The following EXOG variants were observed in gnomAD, a reference collection of about 807,000 sequenced individuals.
The protein encoded by EXOG is exo/endonuclease G, also known as nuclease EXOG, mitochondrial.
In EXOG, 27 loss-of-function variants were observed where a neutral mutation model predicts 25.8. That is an observed-to-expected ratio of 1.05 (90% CI 0.77 to 1.45). The LOEUF is 1.45. Ranked by LOEUF, EXOG falls within the 40% of genes most tolerant of loss-of-function variation. The probability of loss-of-function intolerance (pLI) is 0.00; values close to 1 mark genes in which losing one functional copy is unlikely to be tolerated. For missense variants in EXOG, 458 were observed against 450.5 expected (o/e 1.02, Z -0.15); for synonymous variants, 133 against 167.0 (o/e 0.80, Z 1.57).
At chr3:38,522,340 C>T (rs1287386014) in intron 5 of EXOG, among the ~76,000 whole-genome samples, 1 of 152,194 alleles carries the variant, frequency 6.6e-6, no homozygotes, top group African/African-American at 2.4e-5. Context: ...AATCTTGCTG[C>T]AGGCAGAGCT....
chr3:38,515,410 G>A (rs9864284), intron 5 of EXOG: 26 of 157,742 alleles, frequency 1.6e-4, no homozygotes, highest in African/African-American at 6.2e-4. Context: ...GGGGCAGCCA[G>A]CTCACAGATG....
At chr3:38,511,598 A>G (rs981157898) in intron 5 of EXOG, among the ~76,000 whole-genome samples, 2 of 152,238 alleles carry the variant, frequency 1.3e-5, no homozygotes, top group African/African-American at 2.4e-5. Context: ...AAGGAAGTTC[A>G]GACCTACCGG....
intron 4 of EXOG, among the ~76,000 whole-genome samples, chr3:38,504,855 T>C (rs1428425624): frequency 2.0e-5 from 3 of 152,214 alleles, no homozygotes; most frequent in Non-Finnish European, 2.9e-5. Context: ...TCTTTCAGGC[T>C]ATTGTGTTTT....
At chr3:38,505,369 G>C (rs1449928283) in intron 4 of EXOG, 1 of 151,638 alleles carries the variant, frequency 6.6e-6, no homozygotes, top group Non-Finnish European at 1.5e-5. Flanking sequence ...TCGCATACCT[G>C]TGGAAGCATT....
chr3:38,518,505 T>A (rs1170849369), intron 5 of EXOG, among the ~76,000 whole-genome samples: 1 of 152,250 alleles, frequency 6.6e-6, no homozygotes, highest in Non-Finnish European at 1.5e-5. Flanking sequence ...TTCAAGGCAA[T>A]GTCTTGCAAT....
chr3:38,523,658 G>A (rs1349350517), intron 5 of EXOG, among the ~76,000 whole-genome samples: 1 of 152,092 alleles, frequency 6.6e-6, no homozygotes, highest in African/African-American at 2.4e-5. Flanking sequence ...ATGAGCCACC[G>A]TGCCTCACCT....
At position 38,524,991 on chromosome 3, in the gene EXOG, G is replaced by A; in HGVS notation, c.*629G>A. ...GAGGCAGCTTTTAGAAATCCTCTGT[G>A]TAGTTCCTGTCCACATGCACTATAT... is the stretch of plus-strand genomic sequence containing the variant. On this transcript the variant is annotated 3_prime_UTR_variant, in exon 6 of 6. Transcript: ENST00000287675. 1.0e-6 allele frequency: 1 copy of A among 985,342 alleles called. No individual in the cohort carries two copies. The highest frequency in any genetic ancestry group is 1.2e-6 in the Non-Finnish European group (1 of 829,862). The allele number at this position is 985,342 out of a possible 1,614,324, so 61.0% of individuals were successfully genotyped here.
chr3:38,517,860 A>G (rs967003336), intron 5 of EXOG, among the ~76,000 whole-genome samples: 11 of 152,210 alleles, frequency 7.2e-5, no homozygotes, highest in Non-Finnish European at 1.3e-4. Context: ...TCAAACTGAC[A>G]TCTACTTTTA....
rs1251917186 is a variant in EXOG at position 38,524,385 on chromosome 3, A to G, written c.*23A>G. On this transcript the variant is annotated 3_prime_UTR_variant, in exon 6 of 6. Transcript: ENST00000287675. ...TAGTTTTTATCTCAAGATGTGTCAT[A>G]CCGTCTGTAATGAAGCAGGCATGCC... 1 of 1,570,982 alleles carries G rather than the reference A, an allele frequency of 6.4e-7. No homozygotes were observed. The highest frequency in any genetic ancestry group is 2.2e-5 in the East Asian group (1 of 44,602).
At chr3:38,501,653 C>G (rs1208156632) in intron 3 of EXOG, among the ~76,000 whole-genome samples, 159 bp downstream of exon 3, 1 of 152,162 alleles carries the variant, frequency 6.6e-6, no homozygotes, top group East Asian at 1.9e-4. Flanking sequence ...CAATCACATA[C>G]CGAGACATTT....
chr3:38,502,904 T>C (rs1164239478), intron 3 of EXOG, among the ~76,000 whole-genome samples: 1 of 152,224 alleles, frequency 6.6e-6, no homozygotes, highest in African/African-American at 2.4e-5. Context: ...ATTCTCAACC[T>C]TGGACACTCA....
At chr3:38,518,850 G>A (rs185974187) in intron 5 of EXOG, among the ~76,000 whole-genome samples, 1 of 152,134 alleles carries the variant, frequency 6.6e-6, no homozygotes, top group Non-Finnish European at 1.5e-5. Flanking sequence ...AGGCTTTAAG[G>A]ATCAAGTCTC....
chr3:38,524,404 G>A lies in EXOG; in HGVS notation c.*42G>A. ...TGTCATACCGTCTGTAATGAAGCAG[G>A]CATGCCCTCTTTAGGCTAACATATT... On this transcript the variant is annotated 3_prime_UTR_variant, in exon 6 of 6. Transcript: ENST00000287675. 2 of 1,536,792 alleles carry A rather than the reference G, an allele frequency of 1.3e-6. No individual in the cohort carries two copies.
intron 4 of EXOG, among the ~76,000 whole-genome samples, 179 bp downstream of exon 4, chr3:38,503,870 G>T (rs1453259484): frequency 6.6e-6 from 1 of 152,168 alleles, no homozygotes; most frequent in Non-Finnish European, 1.5e-5. Flanking sequence ...TTCTACAGAA[G>T]ATCAGACTTC....
intron 5 of EXOG, among the ~76,000 whole-genome samples, chr3:38,510,396 A>G (rs970863980): frequency 6.6e-6 from 1 of 152,192 alleles, no homozygotes; most frequent in East Asian, 1.9e-4. Context: ...TATACAAATT[A>G]GATAATTGTG....
intron 5 of EXOG, chr3:38,523,524 C>T (rs899933538): frequency 6.3e-6 from 1 of 159,028 alleles, no homozygotes; most frequent in South Asian, 2.0e-4. Flanking sequence ...CCACCACACC[C>T]AGCTAATTTT....
intron 5 of EXOG, among the ~76,000 whole-genome samples, chr3:38,516,735 T>C (rs2060556763): frequency 6.6e-6 from 1 of 152,212 alleles, no homozygotes; most frequent in South Asian, 2.1e-4. Context: ...GCATTGCATT[T>C]AGTTGTCATG....
chr3:38,516,455 C>G (rs759120875), intron 5 of EXOG, among the ~76,000 whole-genome samples: 3 of 152,160 alleles, frequency 2.0e-5, no homozygotes, highest in Admixed American at 6.5e-5. Flanking sequence ...CCTAGATTTA[C>G]TGGTTGTTAA....
At position 38,524,455 on chromosome 3, in the gene EXOG, A is replaced by G; in HGVS notation, c.*93A>G. On this transcript the variant is annotated 3_prime_UTR_variant, in exon 6 of 6. Transcript: ENST00000287675. ...TTAGTGGCTTTGCTTTTTGCTTTTTAAAAAGTTTTTCTCTTTAAGAGATGT... is the reference window on the plus strand; with the variant it reads ...TTAGTGGCTTTGCTTTTTGCTTTTTGAAAAGTTTTTCTCTTTAAGAGATGT... The G allele has an allele frequency of 6.8e-7, 1 of 1,465,482 alleles. No homozygotes were observed. The highest frequency in any genetic ancestry group is 9.0e-7 in the Non-Finnish European group (1 of 1,110,740). The allele number at this position is 1,465,482 out of a possible 1,614,324, so 90.8% of individuals were successfully genotyped here.
Sources: gnomAD v4.1 joint callset for allele counts (sites outside exome capture counted in the v4.1 genomes callset) on GRCh38, gnomAD v4.1.1 for gene constraint, MANE v1.5 for transcripts, NCBI Gene and HGNC (gene_info 2026-07-23, HGNC 2026-07-21) for gene names.